The following ELMO1 variants were observed in gnomAD, a reference collection of about 807,000 sequenced individuals.
ELMO1 encodes engulfment and cell motility protein 1.
Under a neutral mutation model 98.9 loss-of-function variants are expected in ELMO1, and 26 were observed. The observed-to-expected ratio is 0.26, with a 90% CI of 0.19 to 0.36. The LOEUF is 0.36. Among genes scored for constraint, ELMO1 ranks in the 10% least tolerant of loss-of-function variants. The pLI, the probability that ELMO1 is intolerant of heterozygous loss-of-function variation, is 1.00. For missense variants in ELMO1, 627 were observed against 935.2 expected (o/e 0.67, Z 4.30); for synonymous variants, 346 against 346.0 (o/e 1.00, Z 0.00).
At chr7:37,107,585 T>C (rs1338734147) in intron 14 of ELMO1, among the ~76,000 whole-genome samples, 2 of 152,192 alleles carry the variant, frequency 1.3e-5, no homozygotes, top group Non-Finnish European at 2.9e-5. Flanking sequence ...TGAATACAAA[T>C]GCCTCACATC....
At chr7:37,100,070 G>T (rs764258553) in intron 14 of ELMO1, among the ~76,000 whole-genome samples, 2 of 152,036 alleles carry the variant, frequency 1.3e-5, no homozygotes, top group Non-Finnish European at 2.9e-5. Flanking sequence ...CCAGACCTCA[G>T]GTGATCCCTC....
intron 1 of ELMO1, among the ~76,000 whole-genome samples, chr7:37,407,814 C>T (rs1482827576): frequency 6.6e-6 from 1 of 152,070 alleles, no homozygotes; most frequent in East Asian, 1.9e-4. Context: ...CTAAGGCAAA[C>T]TATGAACTTC....
chr7:37,345,043 T>C (rs1223382448), intron 1 of ELMO1, among the ~76,000 whole-genome samples: 2 of 152,202 alleles, frequency 1.3e-5, no homozygotes, highest in African/African-American at 4.8e-5. Context: ...CCAGCAGTTA[T>C]ATAAATAACT....
intron 14 of ELMO1, among the ~76,000 whole-genome samples, chr7:37,106,196 G>A (rs1402049220): frequency 3.9e-5 from 6 of 152,190 alleles, no homozygotes; most frequent in Admixed American, 2.6e-4. Context: ...GTGCTGTTTA[G>A]AAGGAACACT....
intron 13 of ELMO1, among the ~76,000 whole-genome samples, chr7:37,151,825 A>G (rs1788381442): frequency 6.6e-6 from 1 of 152,194 alleles, no homozygotes; most frequent in Non-Finnish European, 1.5e-5. Flanking sequence ...AAAGCTAACA[A>G]ATACCGAGGA....
At chr7:37,064,810 C>T (rs1298439202) in intron 15 of ELMO1, among the ~76,000 whole-genome samples, 1 of 152,144 alleles carries the variant, frequency 6.6e-6, no homozygotes, top group African/African-American at 2.4e-5. Context: ...TCTCTCCTGC[C>T]TACAGTGGAT....
At chr7:37,304,937 G>A (rs752160781) in intron 4 of ELMO1, among the ~76,000 whole-genome samples, 13 of 152,178 alleles carry the variant, frequency 8.5e-5, no homozygotes, top group Non-Finnish European at 1.9e-4. Context: ...CCACAGTGGA[G>A]TGTGACTGTG....
At position 37,351,887 on chromosome 7, in the gene ELMO1, C is replaced by T. The variant is rs373050592; in HGVS notation, c.-73-9124G>A. 3.3e-4 allele frequency among the ~76,000 whole-genome samples: 51 copies of T among 152,298 alleles called. 1 individual carries two copies. The South Asian group carries it at 5.6e-3, about 17-fold the overall frequency. ...CTGCAAGTCCACATCTGTGACGTAG[C>T]GCTCAGCACCTAGGGCCTGCCTTTC... is the stretch of plus-strand genomic sequence containing the variant. On this transcript the variant is annotated intron_variant, in intron 1 of 21. Transcript: ENST00000310758.
intron 6 of ELMO1, among the ~76,000 whole-genome samples, chr7:37,254,455 T>A (rs997185433): frequency 3.3e-5 from 5 of 152,218 alleles, no homozygotes; most frequent in African/African-American, 1.2e-4. Flanking sequence ...ATTAGGTGAT[T>A]CTGTTGTGTG....
chr7:37,331,630 C>T (rs1800130575), intron 2 of ELMO1, among the ~76,000 whole-genome samples: 1 of 152,044 alleles, frequency 6.6e-6, no homozygotes, highest in Non-Finnish European at 1.5e-5. Flanking sequence ...GGATACTCAA[C>T]ACACACCGAT....
intron 18 of ELMO1, 117 bp downstream of exon 18, chr7:36,887,443 G>T: frequency 2.4e-6 from 2 of 847,830 alleles, no homozygotes; most frequent in East Asian, 2.7e-5. Context: ...TGCTATTCCT[G>T]TCCTGAGTAC....
chr7:37,337,574 G>A (rs907595710), intron 2 of ELMO1, among the ~76,000 whole-genome samples: 1 of 150,454 alleles, frequency 6.6e-6, no homozygotes, highest in Non-Finnish European at 1.5e-5. Context: ...GTTGGGATAA[G>A]CTGAAAGCAC....
At chr7:37,168,651 G>A (rs545936577) in intron 13 of ELMO1, among the ~76,000 whole-genome samples, 7 of 152,280 alleles carry the variant, frequency 4.6e-5, no homozygotes, top group South Asian at 2.1e-4. Flanking sequence ...GCAGAACAGC[G>A]GTTTTTCGTG....
intron 15 of ELMO1, among the ~76,000 whole-genome samples, chr7:37,079,461 TA>T (rs1201620438): frequency 6.6e-6 from 1 of 152,206 alleles, no homozygotes; most frequent in Non-Finnish European, 1.5e-5. Context: ...TAAATGTTTC[TA>T]AAAGCCTCCT....
At chr7:36,941,833 G>T (rs1787067063) in intron 16 of ELMO1, among the ~76,000 whole-genome samples, 1 of 152,194 alleles carries the variant, frequency 6.6e-6, no homozygotes, top group Non-Finnish European at 1.5e-5. Context: ...TGAGAGGGGG[G>T]CCTCATTCCT....
At chr7:37,163,584 T>G (rs968170808) in intron 13 of ELMO1, among the ~76,000 whole-genome samples, 24 of 151,190 alleles carry the variant, frequency 1.6e-4, no homozygotes, top group African/African-American at 5.6e-4. Flanking sequence ...TGAGTGAGAA[T>G]ATGCGGTGTT....
chr7:37,075,040 A>G (rs1247494378), intron 15 of ELMO1, among the ~76,000 whole-genome samples: 2 of 152,178 alleles, frequency 1.3e-5, no homozygotes, highest in African/African-American at 4.8e-5. Context: ...TTGTGTGTGA[A>G]GATGTCCACG....
intron 4 of ELMO1, among the ~76,000 whole-genome samples, chr7:37,306,075 A>G (rs1185029397): frequency 6.6e-6 from 1 of 152,212 alleles, no homozygotes; most frequent in Non-Finnish European, 1.5e-5. Context: ...TAGGATTGGT[A>G]AGAAGAGGAT....
intron 13 of ELMO1, among the ~76,000 whole-genome samples, chr7:37,203,905 G>A (rs929284285): frequency 6.6e-6 from 1 of 152,152 alleles, no homozygotes; most frequent in Non-Finnish European, 1.5e-5. Context: ...AGCAGAAGCT[G>A]GTTCCAGGCA....
Sources: gnomAD v4.1 joint callset for allele counts (sites outside exome capture counted in the v4.1 genomes callset) on GRCh38, gnomAD v4.1.1 for gene constraint, MANE v1.5 for transcripts, NCBI Gene and HGNC (gene_info 2026-07-23, HGNC 2026-07-21) for gene names.